The following BMPER variants were observed in gnomAD, a reference collection of about 807,000 sequenced individuals.
BMPER encodes the protein BMP binding endothelial regulator.
Under a neutral mutation model 87.3 loss-of-function variants are expected in BMPER, and 45 were observed. The ratio of observed to expected loss-of-function variants is 0.52; its 90% CI spans 0.41 to 0.66. BMPER has a LOEUF of 0.66. Among genes scored for constraint, BMPER ranks in the 30% least tolerant of loss-of-function variants. BMPER has a pLI of 0.00. For missense variants in BMPER, 784 were observed against 867.5 expected, an observed-to-expected ratio of 0.90 and a Z score of 1.21; for synonymous variants, 326 against 316.2, an observed-to-expected ratio of 1.03 and a Z score of -0.33.
At chr7:34,024,389 ATATATATATATATATATATATATATATAT>A (rs2127947683) in intron 6 of BMPER, among the ~76,000 whole-genome samples, 7 of 10,244 alleles carry the variant, frequency 6.8e-4, no homozygotes, top group South Asian at 2.9e-3. Context: ...AAAACAATAT[ATATATATATATATATATATATATATATAT>A]ATATATATAT....
chr7:34,045,607 A>G (rs1265047747), intron 6 of BMPER, among the ~76,000 whole-genome samples: 1 of 152,204 alleles, frequency 6.6e-6, no homozygotes, highest in East Asian at 1.9e-4. Context: ...TCTCATATCA[A>G]TCTTTATAAT....
chr7:33,913,122 G>A (rs1192828331), intron 2 of BMPER, among the ~76,000 whole-genome samples: 1 of 152,162 alleles, frequency 6.6e-6, no homozygotes, highest in Non-Finnish European at 1.5e-5. Context: ...TAAGGGGGCT[G>A]CCAGTGAATT....
chr7:34,003,760 G>A (rs1254075854), intron 6 of BMPER, among the ~76,000 whole-genome samples: 1 of 152,012 alleles, frequency 6.6e-6, no homozygotes, highest in Admixed American at 6.6e-5. Flanking sequence ...TCTGTCCTTA[G>A]TGGTTTTGAT....
chr7:33,988,060 C>T (rs903503679), intron 6 of BMPER, among the ~76,000 whole-genome samples: 7 of 152,050 alleles, frequency 4.6e-5, no homozygotes, highest in Non-Finnish European at 8.8e-5. Flanking sequence ...AATTTCAAAA[C>T]GAATATGAAA....
chr7:33,985,787 T>G (rs1785992702), intron 6 of BMPER, among the ~76,000 whole-genome samples: 1 of 152,170 alleles, frequency 6.6e-6, no homozygotes, highest in South Asian at 2.1e-4. Context: ...ATTGGGTAGT[T>G]AAAGTATTAT....
rs574568670 is a variant in BMPER, at chr7:34,006,725, T to C, written c.576+31941T>C. On this transcript the variant is annotated intron_variant, in intron 6 of 14. Transcript: ENST00000649409. ...CTTGCAAACAGAGATGTTTCAGTTATGGACGTCTGTGTATTGTAGTTTATC... is the reference window on the plus strand; with the variant it reads ...CTTGCAAACAGAGATGTTTCAGTTACGGACGTCTGTGTATTGTAGTTTATC... Among the ~76,000 whole-genome samples, 11 of 152,196 alleles carry C rather than the reference T, an allele frequency of 7.2e-5. No individual in the cohort carries two copies. In the East Asian group the frequency reaches 1.7e-3, roughly 24 times the overall value.
intron 2 of BMPER, among the ~76,000 whole-genome samples, chr7:33,929,715 C>T (rs566784427): frequency 2.0e-4 from 30 of 152,286 alleles, no homozygotes; most frequent in African/African-American, 6.3e-4. Context: ...TTAACCTCTC[C>T]GTGCCTCAGT....
chr7:34,134,339 A>C (rs762627054), intron 13 of BMPER, among the ~76,000 whole-genome samples: 1 of 152,162 alleles, frequency 6.6e-6, no homozygotes, highest in Non-Finnish European at 1.5e-5. Context: ...TGCTGGAGTA[A>C]GAATTATGGT....
At chr7:34,077,066 G>A (rs570339474) in intron 11 of BMPER, among the ~76,000 whole-genome samples, 14 of 152,246 alleles carry the variant, frequency 9.2e-5, no homozygotes, top group Admixed American at 3.3e-4. Flanking sequence ...TATTACTTCC[G>A]AACTGTCATT....
At chr7:33,906,545 G>C (rs930611320) in intron 1 of BMPER, among the ~76,000 whole-genome samples, 3 of 152,102 alleles carry the variant, frequency 2.0e-5, no homozygotes, top group Non-Finnish European at 2.9e-5. Context: ...TAAAAATCCA[G>C]TGAAATACTT....
chr7:34,053,900 A>G (rs955704031), intron 8 of BMPER, among the ~76,000 whole-genome samples: 6 of 152,188 alleles, frequency 3.9e-5, no homozygotes, highest in African/African-American at 1.2e-4. Context: ...TTCTGCATGC[A>G]GGATGGTTTC....
intron 2 of BMPER, among the ~76,000 whole-genome samples, chr7:33,907,276 T>C (rs557260751): frequency 3.3e-5 from 5 of 151,860 alleles, no homozygotes; most frequent in Non-Finnish European, 7.4e-5. Flanking sequence ...AGTGGGAAAA[T>C]GATGAGATAA....
chr7:34,024,384 AATATATATATATATATATATATATATAT>A (rs200214350), intron 6 of BMPER, among the ~76,000 whole-genome samples: 803 of 23,436 alleles, frequency 0.034, 95 homozygotes, highest in Non-Finnish European at 0.043. Context: ...AAAAAAAAAC[AATATATATATATATATATATATATATAT>A]ATATATATAT....
chr7:33,980,584 G>T (rs750418267), intron 6 of BMPER, among the ~76,000 whole-genome samples: 2 of 152,168 alleles, frequency 1.3e-5, no homozygotes, highest in African/African-American at 4.8e-5. Flanking sequence ...GCCAATCAGA[G>T]ATGTTTGTGT....
intron 11 of BMPER, among the ~76,000 whole-genome samples, chr7:34,072,270 G>A (rs868064355): frequency 2.6e-5 from 4 of 152,116 alleles, no homozygotes; most frequent in Non-Finnish European, 4.4e-5. Context: ...AAGTGTACTA[G>A]TTACCTATGG....
At chr7:33,976,279 A>C (rs1052214858) in intron 6 of BMPER, among the ~76,000 whole-genome samples, 1 of 151,960 alleles carries the variant, frequency 6.6e-6, no homozygotes, top group South Asian at 2.1e-4. Context: ...CAGCCTCCCA[A>C]GTAGCTGGGA....
intron 6 of BMPER, among the ~76,000 whole-genome samples, chr7:33,998,109 T>C (rs1156929243): frequency 6.6e-6 from 1 of 152,230 alleles, no homozygotes; most frequent in African/African-American, 2.4e-5. Context: ...ACTTAGCACA[T>C]TGTAGGTGCT....
chr7:34,128,416 G>A (rs6462533), intron 13 of BMPER, among the ~76,000 whole-genome samples: 83,390 of 151,962 alleles, frequency 0.55, 23,639 homozygotes, highest in East Asian at 0.8. Flanking sequence ...TAAGTACCCC[G>A]CCTTACTCAT....
At chr7:33,974,972 G>A (rs1254644208) in intron 6 of BMPER, among the ~76,000 whole-genome samples, 188 bp downstream of exon 6, 1 of 152,164 alleles carries the variant, frequency 6.6e-6, no homozygotes, top group Non-Finnish European at 1.5e-5. Context: ...TCTGGGCTGG[G>A]AAATTCTTCT....
Sources: allele counts gnomAD v4.1 joint callset (sites outside exome capture counted in the v4.1 genomes callset), GRCh38; gene constraint gnomAD v4.1.1; transcripts MANE v1.5; gene names NCBI Gene and HGNC (gene_info 2026-07-23, HGNC 2026-07-21).